The following CADPS variants were observed in gnomAD, a reference collection of about 807,000 sequenced individuals.
The protein encoded by CADPS is calcium-dependent secretion activator 1.
In CADPS, 57 loss-of-function variants were observed where a neutral mutation model predicts 167.3. That is an observed-to-expected ratio of 0.34 (90% CI 0.28 to 0.42). The LOEUF (loss-of-function observed/expected upper bound fraction) is 0.42. CADPS is among the 20% of genes least tolerant of loss of function. The pLI is 1.00. For missense variants in CADPS, 1,414 were observed against 1,738.1 expected (o/e 0.81, Z 3.32); for synonymous variants, 676 against 635.3 (o/e 1.06, Z -0.96).
intron 11 of CADPS, among the ~76,000 whole-genome samples, chr3:62,539,592 G>A (rs1419586542): frequency 6.6e-6 from 1 of 151,892 alleles, no homozygotes; most frequent in Non-Finnish European, 1.5e-5. Flanking sequence ...AAAATCTGAT[G>A]TTTAAGCTCA....
intron 1 of CADPS, among the ~76,000 whole-genome samples, chr3:62,841,497 T>C (rs1310567147): frequency 1.3e-5 from 2 of 152,090 alleles, no homozygotes; most frequent in Non-Finnish European, 2.9e-5. Context: ...GGGTGGATCA[T>C]TTGAGGCCAG....
intron 26 of CADPS, among the ~76,000 whole-genome samples, chr3:62,448,686 C>T (rs890057316): frequency 1.3e-5 from 2 of 151,924 alleles, no homozygotes; most frequent in Non-Finnish European, 2.9e-5. Flanking sequence ...CGATCTCGGC[C>T]CACTGCAACC....
At chr3:62,845,477 T>C (rs1306250927) in intron 1 of CADPS, among the ~76,000 whole-genome samples, 3 of 152,220 alleles carry the variant, frequency 2.0e-5, no homozygotes, top group African/African-American at 7.2e-5. Context: ...AATAAGATTA[T>C]ATAAATAAAG....
At chr3:62,537,231 T>C (rs182847846) in intron 11 of CADPS, among the ~76,000 whole-genome samples, 1 of 152,310 alleles carries the variant, frequency 6.6e-6, no homozygotes, top group East Asian at 1.9e-4. Context: ...CTTACTCAGT[T>C]AGCAAAGCTT....
rs561348740 is a variant in CADPS, at chr3:62,578,655, T to A, written c.1577+6530A>T. On this transcript the variant is annotated intron_variant, in intron 8 of 29. Coordinates refer to ENST00000383710, the MANE Select transcript of CADPS (RefSeq NM_003716.4). ...AAGACTTAACAATCTTAAATGCTTC[T>A]GCATCTAATAACAAAGCTTCAGAAT... Among the ~76,000 whole-genome samples, 12 of 150,428 alleles carry A rather than the reference T, an allele frequency of 8.0e-5. No individual in the cohort carries two copies. The South Asian group carries it at 2.5e-3, about 32-fold the overall frequency.
intron 9 of CADPS, among the ~76,000 whole-genome samples, chr3:62,570,129 T>C (rs1484388637): frequency 1.3e-5 from 2 of 152,068 alleles, no homozygotes; most frequent in Non-Finnish European, 2.9e-5. Context: ...GGGAAAAGTT[T>C]ACAGATATGA....
intron 3 of CADPS, among the ~76,000 whole-genome samples, chr3:62,668,211 C>T (rs905851991): frequency 3.3e-5 from 5 of 152,188 alleles, no homozygotes; most frequent in East Asian, 3.9e-4. Context: ...AATTGTTCTG[C>T]TTTCTGGAAA....
chr3:62,835,318 T>A (rs2075739560), intron 1 of CADPS, among the ~76,000 whole-genome samples: 1 of 152,180 alleles, frequency 6.6e-6, no homozygotes. Flanking sequence ...GGGAGATTGG[T>A]GGGTTAAATC....
At chr3:62,593,904 A>AGC (rs1165507565) in intron 6 of CADPS, among the ~76,000 whole-genome samples, 1 of 152,228 alleles carries the variant, frequency 6.6e-6, no homozygotes, top group African/African-American at 2.4e-5. Context: ...AAGCTCCATG[A>AGC]GCACAGGGAC....
intron 1 of CADPS, among the ~76,000 whole-genome samples, chr3:62,816,085 A>G (rs1241025775): frequency 2.0e-5 from 3 of 152,266 alleles, no homozygotes; most frequent in East Asian, 3.9e-4. Flanking sequence ...AAAGCTTTAA[A>G]TTAACAGTTT....
chr3:62,760,905 A>G (rs1488549164), intron 2 of CADPS, among the ~76,000 whole-genome samples: 1 of 152,158 alleles, frequency 6.6e-6, no homozygotes, highest in Non-Finnish European at 1.5e-5. Flanking sequence ...CTTTCTTCCA[A>G]GAACCCCTTT....
intron 10 of CADPS, among the ~76,000 whole-genome samples, chr3:62,551,813 G>C (rs1028164182): frequency 6.6e-6 from 1 of 151,930 alleles, no homozygotes; most frequent in African/African-American, 2.4e-5. Flanking sequence ...CTTTTTTCAG[G>C]TATCTGCATG....
intron 6 of CADPS, among the ~76,000 whole-genome samples, chr3:62,634,257 G>A (rs553421619): frequency 6.6e-6 from 1 of 152,062 alleles, no homozygotes; most frequent in Admixed American, 6.5e-5. Flanking sequence ...AAGATTTCTT[G>A]GCTCAGAAGT....
intron 7 of CADPS, among the ~76,000 whole-genome samples, chr3:62,587,823 G>A (rs1459266634): frequency 4.6e-5 from 7 of 152,170 alleles, no homozygotes; most frequent in Admixed American, 4.6e-4. Context: ...GAGAGATGAA[G>A]TGACCACAGC....
intron 1 of CADPS, among the ~76,000 whole-genome samples, chr3:62,846,864 C>T (rs772084980): frequency 1.3e-5 from 2 of 152,096 alleles, no homozygotes; most frequent in Non-Finnish European, 1.5e-5. Context: ...GACAGGGTTT[C>T]GCCATGTTGG....
intron 1 of CADPS, among the ~76,000 whole-genome samples, chr3:62,783,215 G>A (rs1312064522): frequency 6.6e-6 from 1 of 152,014 alleles, no homozygotes; most frequent in Middle Eastern, 3.2e-3. Context: ...AGTGATGTGT[G>A]TTCTCTCTGT....
intron 1 of CADPS, among the ~76,000 whole-genome samples, chr3:62,793,648 G>T (rs1016327284): frequency 6.6e-6 from 1 of 152,032 alleles, no homozygotes; most frequent in Non-Finnish European, 1.5e-5. Context: ...ACTTTTGGAG[G>T]GTAATTAATC....
intron 1 of CADPS, among the ~76,000 whole-genome samples, chr3:62,770,725 C>T (rs929399973): frequency 6.6e-6 from 1 of 152,180 alleles, no homozygotes; most frequent in Non-Finnish European, 1.5e-5. Flanking sequence ...CATGCCCAAT[C>T]GGTATAAGAG....
intron 28 of CADPS, among the ~76,000 whole-genome samples, chr3:62,434,261 T>G (rs1204505341): frequency 6.6e-6 from 1 of 152,176 alleles, no homozygotes. Flanking sequence ...CTTCATTTTT[T>G]ATGAAAAAAT....
Sources: gnomAD v4.1 joint callset for allele counts (sites outside exome capture counted in the v4.1 genomes callset) on GRCh38, gnomAD v4.1.1 for gene constraint, MANE v1.5 for transcripts, NCBI Gene and HGNC (gene_info 2026-07-23, HGNC 2026-07-21) for gene names.